The following ZNF540 variants were observed in gnomAD, a reference collection of about 807,000 sequenced individuals.
ZNF540 encodes the protein zinc finger protein 540, also known as CTD-3064H18.6.
In ZNF540, 3 loss-of-function variants were observed where a neutral mutation model predicts 11.8. The ratio of observed to expected loss-of-function variants is 0.25; its 90% CI spans 0.12 to 0.65. The LOEUF (loss-of-function observed/expected upper bound fraction) is 0.65. Among genes scored for constraint, ZNF540 ranks in the 30% least tolerant of loss-of-function variants. The pLI is 0.83. For missense variants in ZNF540, 709 were observed against 793.1 expected (o/e 0.89, Z 1.27); for synonymous variants, 247 against 259.0 (o/e 0.95, Z 0.45).
chr19:37,556,203 T>G, intron 1 of ZNF540: 1 of 674,416 alleles, frequency 1.5e-6, no homozygotes, highest in Non-Finnish European at 2.7e-6. Flanking sequence ...GGAGACTTCC[T>G]TGGAGGTACT....
intron 1 of ZNF540, among the ~76,000 whole-genome samples, chr19:37,577,927 C>T (rs966962034): frequency 6.6e-6 from 1 of 152,138 alleles, no homozygotes; most frequent in Admixed American, 6.5e-5. Context: ...TGTGGGGAAC[C>T]GAACTGCAGA....
intron 1 of ZNF540, among the ~76,000 whole-genome samples, chr19:37,595,894 C>T (rs189272199): frequency 2.2e-3 from 340 of 152,194 alleles, no homozygotes; most frequent in Non-Finnish European, 3.8e-3. Context: ...AACAGTACAA[C>T]CTGGAGCATT....
intron 1 of ZNF540, chr19:37,585,200 G>A (rs2043627798): frequency 6.6e-6 from 1 of 152,202 alleles, no homozygotes; most frequent in South Asian, 2.1e-4. Context: ...ATTGGTTCCT[G>A]GGCAAGAGGG....
chr19:37,584,913 G>A (rs888479222), intron 1 of ZNF540, among the ~76,000 whole-genome samples: 6 of 148,268 alleles, frequency 4.0e-5, no homozygotes, highest in East Asian at 2.0e-4. Context: ...GCAGTGAGCC[G>A]AGATTGCGCC....
At chr19:37,580,791 G>A (rs2043428585) in intron 1 of ZNF540, among the ~76,000 whole-genome samples, 2 of 152,150 alleles carry the variant, frequency 1.3e-5, no homozygotes, top group African/African-American at 4.8e-5. Context: ...GCAGCCTGAG[G>A]TCCTCACCAG....
At chr19:37,580,610 C>G (rs1273497460) in intron 1 of ZNF540, among the ~76,000 whole-genome samples, 1 of 152,148 alleles carries the variant, frequency 6.6e-6, no homozygotes, top group Non-Finnish European at 1.5e-5. Context: ...GTGCTTGGGT[C>G]ATGGGGGCTG....
chr19:37,598,588 C>A, intron 2 of ZNF540, 132 bp downstream of exon 2: 1 of 915,006 alleles, frequency 1.1e-6, no homozygotes, highest in Non-Finnish European at 1.7e-6. Flanking sequence ...CTCCCATGGG[C>A]CCCCTCTCTT....
chr19:37,589,884 A>AAAAAAAAAC, upstream of ZNF540, among the ~76,000 whole-genome samples: 2 of 149,920 alleles, frequency 1.3e-5, no homozygotes, highest in South Asian at 2.1e-4. Flanking sequence ...AAAAAAAAAA[A>AAAAAAAAAC]AAAGCACACT....
At chr19:37,606,796 T>TGGG (rs2044088867) in intron 4 of ZNF540, among the ~76,000 whole-genome samples, 7 of 152,220 alleles carry the variant, frequency 4.6e-5, no homozygotes, top group Non-Finnish European at 8.8e-5. Context: ...GCATTTTATT[T>TGGG]ACATATATGA....
rs1450257963 is a variant in ZNF540 at position 37,611,691 on chromosome 19, A to C, written c.411A>C (p.Arg137Ser). ...EFEGQQGLKE[R>S]SISQKKIVSK... ...AGGGTCAACAGGGACTTAAAGAAAG[A>C]TCTATCAGTCAAAAGAAAATCGTCT... The change falls in exon 5 of 5, where the codon AGA becomes AGC. Residue 137 changes from arginine (R) to serine (S), a missense_variant. Physicochemically the swap from Arg to Ser is moderately radical, Grantham distance 110 (BLOSUM62 -1). Coordinates refer to ENST00000316433, the MANE Select transcript of ZNF540 (RefSeq NM_001172225.3). 4 of 1,613,936 alleles carry C rather than the reference A, an allele frequency of 2.5e-6. No homozygotes were observed. In the South Asian group the frequency reaches 4.4e-5, roughly 18 times the overall value.
Position 37,613,652 on chromosome 19 carries a change from G to A in ZNF540, c.*389G>A. On this transcript the variant is annotated 3_prime_UTR_variant, in exon 5 of 5. Transcript: ENST00000316433. ...CCCAAACTGCTTTGGATTAATATTG[G>A]ATATTACTGTTTTTATTATCATCAA... 2.5e-6 allele frequency: 1 copy of A among 396,894 alleles called. No homozygotes were observed. Among genetic ancestry groups the A allele is most frequent in the Non-Finnish European group, 4.4e-6 (1 of 225,644 alleles). The allele number at this position is 396,894 out of a possible 1,614,324, so 24.6% of individuals were successfully genotyped here.
chr19:37,612,241 C>A lies in ZNF540; in HGVS notation c.961C>A (p.His321Asn). ...CTACTTTAAAGAACATGAGAGAATT[C>A]ATACAGGTAAGAAACCCTATGAATG... Reference protein sequence around the residue: ...IFYFKEHERIHTGKKPYECKE... With the variant: ...IFYFKEHERINTGKKPYECKE... Residue 321 changes from histidine (H) to asparagine (N), a missense_variant, in exon 5 of 5, where the codon CAT becomes AAT. Coordinates refer to ENST00000316433, the MANE Select transcript of ZNF540 (RefSeq NM_001172225.3). The A allele has an allele frequency of 6.2e-7, 1 of 1,613,774 alleles. No individual in the cohort carries two copies. The highest frequency in any genetic ancestry group is 8.5e-7 in the Non-Finnish European group (1 of 1,179,974).
intron 1 of ZNF540, chr19:37,551,694 G>A (rs1215228353): frequency 6.6e-6 from 1 of 152,622 alleles, no homozygotes; most frequent in Non-Finnish European, 1.5e-5. Flanking sequence ...TGTGTACCGG[G>A]GCTGCTGTCT....
chr19:37,566,002 CTTACA>C, intron 1 of ZNF540: 1 of 1,613,996 alleles, frequency 6.2e-7, no homozygotes, highest in South Asian at 1.1e-5. Context: ...GTCTGCATTC[CTTACA>C]TTTGTACAAT....
chr19:37,602,466 AT>A (rs1361695472), intron 4 of ZNF540, among the ~76,000 whole-genome samples: 23 of 152,264 alleles, frequency 1.5e-4, no homozygotes, highest in African/African-American at 5.5e-4. Context: ...ATACTTAATT[AT>A]TTATGTGTTG....
upstream of ZNF540, among the ~76,000 whole-genome samples, chr19:37,592,151 G>A (rs554023364): frequency 6.6e-5 from 10 of 152,090 alleles, no homozygotes; most frequent in East Asian, 2.0e-4. Context: ...CCAGCTACTC[G>A]GGAGGTTGAG....
chr19:37,561,325 C>A (rs771755000), intron 1 of ZNF540, among the ~76,000 whole-genome samples: 178 of 152,260 alleles, frequency 1.2e-3, no homozygotes, highest in Non-Finnish European at 1.7e-3. Flanking sequence ...TTGTTCCTCT[C>A]TAGTGTAGTC....
chr19:37,561,834 A>G (rs543262783), intron 1 of ZNF540, among the ~76,000 whole-genome samples: 6 of 152,346 alleles, frequency 3.9e-5, no homozygotes, highest in African/African-American at 1.2e-4. Context: ...TAATCTCTCA[A>G]TTGTTAATGA....
At chr19:37,581,045 T>A (rs8104994) in intron 1 of ZNF540, among the ~76,000 whole-genome samples, 40,517 of 152,174 alleles carry the variant, frequency 0.27, 6,449 homozygotes, top group Non-Finnish European at 0.37. Flanking sequence ...TAGCATTATT[T>A]ACTTCAATTG....
Sources: allele counts gnomAD v4.1 joint callset (sites outside exome capture counted in the v4.1 genomes callset), GRCh38; gene constraint gnomAD v4.1.1; transcripts MANE v1.5; gene names NCBI Gene and HGNC (gene_info 2026-07-23, HGNC 2026-07-21).